Variants in NLGN1 observed in about 807,000 individuals in gnomAD.
NLGN1 encodes the protein neuroligin 1.
Under a neutral mutation model 65.5 loss-of-function variants are expected in NLGN1, and 12 were observed. The observed-to-expected ratio is 0.18, with a 90% CI of 0.12 to 0.30. The LOEUF (loss-of-function observed/expected upper bound fraction) is 0.30. NLGN1 is among the 10% of genes least tolerant of loss of function. The pLI is 1.00. For missense variants in NLGN1, 750 were observed against 1,007.1 expected (o/e 0.74, Z 3.46); for synonymous variants, 350 against 359.5 (o/e 0.97, Z 0.30).
At chr3:174,036,584 GTTT>G (rs34399860) in intron 4 of NLGN1, among the ~76,000 whole-genome samples, 1 of 141,690 alleles carries the variant, frequency 7.1e-6, no homozygotes, top group Non-Finnish European at 1.5e-5. Context: ...GTTTTTTGTT[GTTT>G]TTTTTTTTTT....
At chr3:173,669,322 C>A (rs889002456) in intron 3 of NLGN1, among the ~76,000 whole-genome samples, 1 of 152,156 alleles carries the variant, frequency 6.6e-6, no homozygotes, top group African/African-American at 2.4e-5. Flanking sequence ...TGGCTTAGAA[C>A]AACAGAAAAT....
downstream of NLGN1, among the ~76,000 whole-genome samples, chr3:174,287,937 A>G (rs901562583): frequency 1.3e-5 from 2 of 151,542 alleles, no homozygotes; most frequent in Non-Finnish European, 3.0e-5. Context: ...GCAATGAAAG[A>G]AATTAGTCAT....
At chr3:173,929,998 C>T (rs1240144138) in intron 4 of NLGN1, among the ~76,000 whole-genome samples, 1 of 152,178 alleles carries the variant, frequency 6.6e-6, no homozygotes, top group Non-Finnish European at 1.5e-5. Flanking sequence ...GCCACCACGC[C>T]TGGCCAAGCT....
chr3:173,808,178 C>A (rs146950032), intron 4 of NLGN1, among the ~76,000 whole-genome samples: 1 of 152,008 alleles, frequency 6.6e-6, no homozygotes, highest in Non-Finnish European at 1.5e-5. Flanking sequence ...TGAGGTTTGG[C>A]GTGAGCTAAG....
intron 2 of NLGN1, among the ~76,000 whole-genome samples, chr3:173,498,399 C>T (rs1334283003): frequency 6.6e-6 from 1 of 151,772 alleles, no homozygotes; most frequent in Non-Finnish European, 1.5e-5. Flanking sequence ...ATTTTTATGG[C>T]TGCATAGTAT....
At chr3:173,767,292 C>A (rs1210951152) in intron 3 of NLGN1, among the ~76,000 whole-genome samples, 1 of 151,996 alleles carries the variant, frequency 6.6e-6, no homozygotes, top group Non-Finnish European at 1.5e-5. Flanking sequence ...CTTCTTCCAA[C>A]AAGAAGAATC....
At chr3:173,593,125 C>G (rs780850681) in intron 2 of NLGN1, among the ~76,000 whole-genome samples, 4 of 152,098 alleles carry the variant, frequency 2.6e-5, no homozygotes, top group Non-Finnish European at 5.9e-5. Context: ...CTCAAAATAC[C>G]CTGCATTATC....
chr3:174,289,535 G>T (rs1446223421), downstream of NLGN1, among the ~76,000 whole-genome samples: 1 of 151,104 alleles, frequency 6.6e-6, no homozygotes, highest in East Asian at 1.9e-4. Context: ...AGAAAACTGG[G>T]ATAATTACTC....
intron 4 of NLGN1, among the ~76,000 whole-genome samples, chr3:174,107,052 A>AGAGAGAG (rs1576908187): frequency 3.3e-5 from 5 of 149,836 alleles, no homozygotes; most frequent in South Asian, 2.1e-4. Context: ...AGAGAGAGAG[A>AGAGAGAG]AATAACTCTT....
At chr3:173,496,957 T>C (rs1730128994) in intron 2 of NLGN1, among the ~76,000 whole-genome samples, 1 of 151,932 alleles carries the variant, frequency 6.6e-6, no homozygotes, top group Non-Finnish European at 1.5e-5. Flanking sequence ...GAGTACCAAT[T>C]ACTTTTAAAA....
chr3:173,467,261 G>A (rs1351631173), intron 2 of NLGN1, among the ~76,000 whole-genome samples: 1 of 151,580 alleles, frequency 6.6e-6, no homozygotes, highest in African/African-American at 2.4e-5. Flanking sequence ...TGTCAAATAT[G>A]TGCACTAGAA....
chr3:174,181,807 A>ACACACACACACACACACACACACG (rs1491456157), intron 4 of NLGN1, among the ~76,000 whole-genome samples: 1 of 123,704 alleles, frequency 8.1e-6, no homozygotes, highest in African/African-American at 3.3e-5. Context: ...ACACACACAC[A>ACACACACACACACACACACACACG]TATGTATGTA....
At chr3:174,240,352 G>T (rs546586228) in intron 4 of NLGN1, among the ~76,000 whole-genome samples, 1 of 152,072 alleles carries the variant, frequency 6.6e-6, no homozygotes, top group South Asian at 2.1e-4. Flanking sequence ...TATAAAATTG[G>T]AATATAAGTA....
chr3:173,454,433 C>T (rs1722169935), intron 2 of NLGN1, among the ~76,000 whole-genome samples: 1 of 152,106 alleles, frequency 6.6e-6, no homozygotes, highest in Non-Finnish European at 1.5e-5. Flanking sequence ...GTATCATCTT[C>T]TGTTATCATC....
intron 4 of NLGN1, among the ~76,000 whole-genome samples, chr3:173,959,609 T>C (rs1713040226): frequency 6.6e-6 from 1 of 152,246 alleles, no homozygotes; most frequent in Non-Finnish European, 1.5e-5. Context: ...CATGAATCTT[T>C]TGCATTCTTG....
At chr3:173,959,817 A>G (rs992213608) in intron 4 of NLGN1, among the ~76,000 whole-genome samples, 1 of 152,174 alleles carries the variant, frequency 6.6e-6, no homozygotes, top group African/African-American at 2.4e-5. Flanking sequence ...CTCCTACATA[A>G]TTTATATGTC....
At chr3:173,842,587 T>A (rs2861592) in intron 4 of NLGN1, among the ~76,000 whole-genome samples, 1 of 151,982 alleles carries the variant, frequency 6.6e-6, no homozygotes, top group African/African-American at 2.4e-5. Context: ...ACAGGCTTCA[T>A]GCAAGTCTGA....
intron 1 of NLGN1, among the ~76,000 whole-genome samples, chr3:173,415,673 A>G (rs1321396514): frequency 2.0e-5 from 3 of 152,198 alleles, no homozygotes; most frequent in East Asian, 1.9e-4. Flanking sequence ...GGCATTTTAT[A>G]TACTATTAAA....
At chr3:173,429,462 T>TA (rs1577412257) in intron 1 of NLGN1, among the ~76,000 whole-genome samples, 2 of 152,332 alleles carry the variant, frequency 1.3e-5, no homozygotes, top group South Asian at 2.1e-4. Context: ...ATCTGAGAGG[T>TA]AAAAAATCAC....
Sources: gnomAD v4.1 joint callset for allele counts (sites outside exome capture counted in the v4.1 genomes callset) on GRCh38, gnomAD v4.1.1 for gene constraint, MANE v1.5 for transcripts, NCBI Gene and HGNC (gene_info 2026-07-23, HGNC 2026-07-21) for gene names.